Variants in PRKCE observed in about 807,000 individuals in gnomAD.
PRKCE encodes the protein protein kinase C epsilon, also known as protein kinase C epsilon type.
Under a neutral mutation model 85.4 loss-of-function variants are expected in PRKCE, and 16 were observed. The observed-to-expected ratio is 0.19, with a 90% CI of 0.13 to 0.28. The LOEUF is 0.28. Ranked by LOEUF, PRKCE falls within the 10% of genes least tolerant of loss-of-function variation. The pLI, the probability that PRKCE is intolerant of heterozygous loss-of-function variation, is 1.00. For synonymous variants in PRKCE, 388 were observed against 371.5 expected (o/e 1.04, Z -0.51); for missense variants, 573 against 975.2 (o/e 0.59, Z 5.49).
chr2:45,901,395 T>C (rs1696572117), intron 2 of PRKCE, among the ~76,000 whole-genome samples: 1 of 152,202 alleles, frequency 6.6e-6, no homozygotes, highest in African/African-American at 2.4e-5. Flanking sequence ...CACATATTTC[T>C]CATGTAATAT....
intron 2 of PRKCE, among the ~76,000 whole-genome samples, chr2:45,959,682 A>C (rs115959329): frequency 0.01 from 1,557 of 152,134 alleles, 31 homozygotes; most frequent in African/African-American, 0.035. Flanking sequence ...GCAGATACAA[A>C]CTTTTTGTTC....
chr2:45,869,998 G>A (rs919247759), intron 2 of PRKCE, among the ~76,000 whole-genome samples: 3 of 152,036 alleles, frequency 2.0e-5, no homozygotes, highest in Non-Finnish European at 2.9e-5. Context: ...GAGCCACTGC[G>A]CCCGGCCCCA....
intron 2 of PRKCE, among the ~76,000 whole-genome samples, chr2:45,846,663 A>G (rs1220314141): frequency 2.0e-5 from 3 of 152,342 alleles, no homozygotes; most frequent in Admixed American, 2.0e-4. Flanking sequence ...GAAAGGGGTC[A>G]GTCTTCTCTG....
intron 14 of PRKCE, chr2:46,167,663 C>A (rs1433996231): frequency 1.3e-5 from 2 of 152,192 alleles, no homozygotes; most frequent in Admixed American, 1.3e-4. Context: ...GAGGGTGACT[C>A]ACCCCAGGTG....
At chr2:45,856,594 G>A (rs924797417) in intron 2 of PRKCE, among the ~76,000 whole-genome samples, 6 of 152,090 alleles carry the variant, frequency 3.9e-5, no homozygotes, top group East Asian at 3.8e-4. Context: ...TGATATATAC[G>A]ACACATTGTT....
At chr2:45,789,912 C>T (rs76114421) in intron 1 of PRKCE, among the ~76,000 whole-genome samples, 3,971 of 152,272 alleles carry the variant, frequency 0.026, 69 homozygotes, top group Middle Eastern at 0.078. Flanking sequence ...ACATATCTGA[C>T]ACCTAAATGG....
chr2:45,989,683 C>T (rs765195941), intron 6 of PRKCE, among the ~76,000 whole-genome samples: 1 of 150,314 alleles, frequency 6.7e-6, no homozygotes, highest in Non-Finnish European at 1.5e-5. Context: ...TACTTAAAAA[C>T]ACTAAAAACA....
intron 14 of PRKCE, among the ~76,000 whole-genome samples, chr2:46,183,408 C>T (rs1361707419): frequency 1.3e-5 from 2 of 152,198 alleles, no homozygotes; most frequent in East Asian, 1.9e-4. Flanking sequence ...TATTATTTCT[C>T]CTACAAATAA....
intron 10 of PRKCE, among the ~76,000 whole-genome samples, chr2:46,047,507 G>A (rs1708599107): frequency 6.6e-6 from 1 of 152,238 alleles, no homozygotes; most frequent in Non-Finnish European, 1.5e-5. Flanking sequence ...TGTGTGGTCA[G>A]TGGAAGGAGG....
chr2:45,966,418 G>A (rs536062494), intron 2 of PRKCE, among the ~76,000 whole-genome samples: 4 of 152,148 alleles, frequency 2.6e-5, no homozygotes, highest in Admixed American at 6.5e-5. Context: ...TACACTTAAG[G>A]TGCTTGGAAT....
At chr2:46,019,987 T>A (rs954385306) in intron 10 of PRKCE, among the ~76,000 whole-genome samples, 1 of 151,810 alleles carries the variant, frequency 6.6e-6, no homozygotes, top group Non-Finnish European at 1.5e-5. Flanking sequence ...ATAGCTGGGA[T>A]TACAGGCACG....
chr2:45,669,726 A>G (rs1676069031), intron 1 of PRKCE, among the ~76,000 whole-genome samples: 1 of 152,184 alleles, frequency 6.6e-6, no homozygotes, highest in African/African-American at 2.4e-5. Flanking sequence ...TAAAATGTAT[A>G]TCGGCCGGGC....
intron 1 of PRKCE, among the ~76,000 whole-genome samples, chr2:45,723,784 T>C (rs949682545): frequency 1.3e-5 from 2 of 152,156 alleles, no homozygotes; most frequent in Non-Finnish European, 2.9e-5. Context: ...TTTGTATTTT[T>C]AGTAGAGATA....
chr2:46,080,368 C>T (rs143833059), intron 10 of PRKCE, among the ~76,000 whole-genome samples: 276 of 152,260 alleles, frequency 1.8e-3, no homozygotes, highest in African/African-American at 6.5e-3. Flanking sequence ...GGGTCATGAA[C>T]ATGGAGCTTT....
chr2:45,760,630 C>G (rs1383142926), intron 1 of PRKCE, among the ~76,000 whole-genome samples: 1 of 152,172 alleles, frequency 6.6e-6, no homozygotes, highest in Non-Finnish European at 1.5e-5. Context: ...TTTAGGGGCT[C>G]TGGCTTGATG....
At chr2:46,133,813 G>A (rs901401054) in intron 11 of PRKCE, among the ~76,000 whole-genome samples, 3 of 152,206 alleles carry the variant, frequency 2.0e-5, no homozygotes, top group African/African-American at 4.8e-5. Context: ...AATGCTCAAG[G>A]CAATAAGCAA....
intron 2 of PRKCE, among the ~76,000 whole-genome samples, chr2:45,963,840 A>G (rs55823154): frequency 0.16 from 24,943 of 152,204 alleles, 2,685 homozygotes; most frequent in East Asian, 0.39. Flanking sequence ...CAAGTGCTCA[A>G]AACTGCCTTA....
intron 2 of PRKCE, among the ~76,000 whole-genome samples, chr2:45,880,787 A>G (rs1386679079): frequency 2.0e-5 from 3 of 152,180 alleles, no homozygotes; most frequent in African/African-American, 4.8e-5. Flanking sequence ...AAGAAACACT[A>G]CTTGTCACTT....
At chr2:45,817,625 C>T (rs960471045) in intron 1 of PRKCE, among the ~76,000 whole-genome samples, 3 of 152,042 alleles carry the variant, frequency 2.0e-5, no homozygotes, top group East Asian at 3.9e-4. Context: ...ACCCGGAAAG[C>T]GGAGCTTGCA....
Sources: gnomAD v4.1 joint callset for allele counts (sites outside exome capture counted in the v4.1 genomes callset) on GRCh38, gnomAD v4.1.1 for gene constraint, MANE v1.5 for transcripts, NCBI Gene and HGNC (gene_info 2026-07-23, HGNC 2026-07-21) for gene names.